SKI: variants seen among roughly 807,000 people sequenced by gnomAD.
SKI encodes SKI proto-oncogene.
Under a neutral mutation model 59.3 loss-of-function variants are expected in SKI, and 23 were observed. That is an observed-to-expected ratio of 0.39 (90% CI 0.28 to 0.55). The LOEUF (loss-of-function observed/expected upper bound fraction) is 0.55, where lower values mean the gene tolerates loss of function less well. Among genes scored for constraint, SKI ranks in the 20% least tolerant of loss-of-function variants. The pLI is 0.67. For synonymous variants in SKI, 673 were observed against 488.6 expected (o/e 1.38, Z -4.98); for missense variants, 1,017 against 1,038.9 (o/e 0.98, Z 0.29).
chr1:2,300,285 A>G (rs1640393217), intron 1 of SKI, among the ~76,000 whole-genome samples: 1 of 152,242 alleles, frequency 6.6e-6, no homozygotes, highest in South Asian at 2.1e-4. Context: ...GGGATGGGGC[A>G]GCCCCTTGCA....
chr1:2,273,835 G>C lies in SKI; in HGVS notation c.970-29143G>C, dbSNP rs549300262. Among the ~76,000 whole-genome samples, 8 of 152,184 alleles carry C rather than the reference G, an allele frequency of 5.3e-5. No individual in the cohort carries two copies. In the East Asian group the frequency reaches 1.5e-3, roughly 29 times the overall value. ...GCCCTCCTGTCTGTTCTGTGGACCGGGTGCGGATGGGCCGTGCAGGCAGAC... is the reference window on the plus strand; with the variant it reads ...GCCCTCCTGTCTGTTCTGTGGACCGCGTGCGGATGGGCCGTGCAGGCAGAC... On this transcript the variant is annotated intron_variant, in intron 1 of 6. Coordinates refer to ENST00000378536, the MANE Select transcript of SKI (RefSeq NM_003036.4).
chr1:2,234,525 G>C (rs909321971), intron 1 of SKI, among the ~76,000 whole-genome samples: 1 of 152,182 alleles, frequency 6.6e-6, no homozygotes, highest in Non-Finnish European at 1.5e-5. Flanking sequence ...AGTGTGAGCC[G>C]AACCCCGCCC....
At chr1:2,239,670 G>A (rs546482024) in intron 1 of SKI, among the ~76,000 whole-genome samples, 3 of 152,268 alleles carry the variant, frequency 2.0e-5, no homozygotes, top group Non-Finnish European at 4.4e-5. Flanking sequence ...ATGGTTGTGC[G>A]TGGGCCTTGG....
intron 4 of SKI, 82 bp downstream of exon 4, chr1:2,304,184 G>A: frequency 6.3e-7 from 1 of 1,581,136 alleles, no homozygotes; most frequent in Non-Finnish European, 8.6e-7. Context: ...CGCCGGGGGT[G>A]CGTTGGTGGC....
chr1:2,256,384 T>C (rs562139045), intron 1 of SKI, among the ~76,000 whole-genome samples: 1 of 152,392 alleles, frequency 6.6e-6, no homozygotes, highest in Admixed American at 6.5e-5. Context: ...TCTTGGTTTT[T>C]ACTCCCTTGC....
intron 1 of SKI, among the ~76,000 whole-genome samples, chr1:2,237,055 C>T (rs1168184867): frequency 6.6e-6 from 1 of 152,170 alleles, no homozygotes; most frequent in Non-Finnish European, 1.5e-5. Flanking sequence ...CTGAGGGTTC[C>T]ACCCCAGGAC....
intron 5 of SKI, among the ~76,000 whole-genome samples, chr1:2,305,435 C>G (rs955392958): frequency 2.0e-5 from 3 of 152,150 alleles, no homozygotes; most frequent in Admixed American, 1.3e-4. Flanking sequence ...GACGTGCCCT[C>G]CTGCGCGTGC....
chr1:2,259,207 T>C (rs1639333201), intron 1 of SKI, among the ~76,000 whole-genome samples: 1 of 152,214 alleles, frequency 6.6e-6, no homozygotes, highest in Admixed American at 6.5e-5. Flanking sequence ...TCGCCGGTGC[T>C]GTCTGTGGCT....
chr1:2,290,022 G>A (rs1293780358), intron 1 of SKI, among the ~76,000 whole-genome samples: 1 of 152,194 alleles, frequency 6.6e-6, no homozygotes, highest in Admixed American at 6.5e-5. Flanking sequence ...TAGGATGGCT[G>A]TTTGTGCCCT....
rs1639553051 is a variant in SKI at position 2,268,799 on chromosome 1, G to C, written c.970-34179G>C. The stretch of plus-strand genomic sequence containing the variant: ...GTGGGGACAGCGACTGTGCCTTCTG[G>C]CCCCACCCAGAGAGCCCCAGCTGCT... On this transcript the variant is annotated intron_variant, in intron 1 of 6. Coordinates refer to ENST00000378536, the MANE Select transcript of SKI (RefSeq NM_003036.4). This position sits in a 1 kb window ranked among gnomAD's most constrained non-coding sequence, Gnocchi z 5.0. 6.6e-6 allele frequency among the ~76,000 whole-genome samples: 1 copy of C among 152,160 alleles called. No homozygotes were observed. The highest frequency in any genetic ancestry group is 1.5e-5 in the Non-Finnish European group (1 of 68,022).
intron 1 of SKI, among the ~76,000 whole-genome samples, chr1:2,251,643 T>TG (rs1469242504): frequency 6.6e-6 from 1 of 152,108 alleles, no homozygotes; most frequent in Admixed American, 6.5e-5. Flanking sequence ...GGGCAGCATC[T>TG]GGGGGGGCTG....
intron 1 of SKI, among the ~76,000 whole-genome samples, chr1:2,239,842 G>A (rs1638828066): frequency 6.6e-6 from 1 of 152,238 alleles, no homozygotes; most frequent in Non-Finnish European, 1.5e-5. Flanking sequence ...CTGGGCAGTG[G>A]CGCAGCTGGC....
Position 2,270,180 on chromosome 1 carries a change from G to C in SKI, c.970-32798G>C, listed in dbSNP as rs370667829. On this transcript the variant is annotated intron_variant, in intron 1 of 6. Transcript: ENST00000378536. This position sits in a 1 kb window ranked among gnomAD's most constrained non-coding sequence, Gnocchi z 4.1. ...TGGCCAGCACCTTGCTGCAAGAGAG[G>C]GACAGAGGTCATCTGTCTACGAGCT... 1.3e-5 allele frequency among the ~76,000 whole-genome samples: 2 copies of C among 152,304 alleles called. No individual in the cohort carries two copies. The highest frequency in any genetic ancestry group is 4.8e-5 in the African/African-American group (2 of 41,558).
At chr1:2,274,672 CT>C (rs1045182457) in intron 1 of SKI, among the ~76,000 whole-genome samples, 1 of 152,232 alleles carries the variant, frequency 6.6e-6, no homozygotes. Flanking sequence ...ATACTGCCCC[CT>C]GGCCATGAGC....
Position 2,303,970 on chromosome 1 carries a change from A to G in SKI, c.1342A>G (p.Thr448Ala), listed in dbSNP as rs1421529806. Reference protein sequence around the residue: ...AVSRAPEPLATCTQPRKRKLT... With the variant: ...AVSRAPEPLAACTQPRKRKLT... ...CTCCCGGGCCCCCGAGCCTCTCGCC[A>G]CTTGCACCCAGCCTCGGAAGCGGAA... Residue 448 changes from threonine to alanine, a missense_variant, in exon 4 of 7, where the codon ACT becomes GCT. Transcript: ENST00000378536. This position sits in a 1 kb window ranked among gnomAD's most constrained non-coding sequence, Gnocchi z 5.6. 6.2e-7 allele frequency: 1 copy of G among 1,612,326 alleles called. No homozygotes were observed. Among genetic ancestry groups the G allele is most frequent in the Non-Finnish European group, 8.5e-7 (1 of 1,179,804 alleles).
Position 2,304,313 on chromosome 1 carries a change from C to A in SKI, c.1495C>A (p.Leu499Ile). 6.4e-7 allele frequency: 1 copy of A among 1,551,706 alleles called. No homozygotes were observed. Among genetic ancestry groups the A allele is most frequent in the Non-Finnish European group, 8.7e-7 (1 of 1,146,918 alleles). ...CTCAGTCACCTCCTCCTTGTCCTCG[C>A]TCTCTTCCCCGTCCTTTACCTCATC... ...REEFTSSLSS[L>I]SSPSFTSSSS... Residue 499 changes from leucine to isoleucine, a missense_variant, in exon 5 of 7, where the codon CTC becomes ATC. Coordinates refer to ENST00000378536, the MANE Select transcript of SKI (RefSeq NM_003036.4).
In SKI at chr1:2,304,038, C is replaced by G; in HGVS notation, c.1410C>G (p.Pro470=). The G allele has an allele frequency of 6.2e-7, 1 of 1,612,438 alleles. No individual in the cohort carries two copies. Among genetic ancestry groups the G allele is most frequent in the Non-Finnish European group, 8.5e-7 (1 of 1,179,844 alleles). Residue 470 remains proline, a synonymous_variant, in exon 4 of 7, where the codon CCC becomes CCG. Transcript: ENST00000378536. Reference sequence around the variant, plus strand: ...CAGGAGCCCCAGAGACGCTGGCGCCCGTGGCTGCCCCAGAGGAGGACAAGG... The same window carrying G: ...CAGGAGCCCCAGAGACGCTGGCGCCGGTGGCTGCCCCAGAGGAGGACAAGG... ...DTPGAPETLA[P]VAAPEEDKDS...
chr1:2,248,186 G>C (rs559971568), intron 1 of SKI: 1 of 152,450 alleles, frequency 6.6e-6, no homozygotes, highest in Admixed American at 6.5e-5. Flanking sequence ...AGGCCACCAG[G>C]TTCTTGGGGG....
intron 1 of SKI, among the ~76,000 whole-genome samples, chr1:2,247,216 C>T (rs1452431090): frequency 6.6e-6 from 1 of 152,052 alleles, no homozygotes; most frequent in Non-Finnish European, 1.5e-5. Flanking sequence ...AAGACTCCAT[C>T]TTAAAAAAAC....
Sources: allele counts gnomAD v4.1 joint callset (sites outside exome capture counted in the v4.1 genomes callset), GRCh38; gene constraint gnomAD v4.1.1; non-coding constraint Gnocchi (gnomAD v3.1); transcripts MANE v1.5; gene names NCBI Gene and HGNC (gene_info 2026-07-23, HGNC 2026-07-21).